The following RAB37 variants were observed in gnomAD, a reference collection of about 807,000 sequenced individuals.
RAB37 encodes ras-related protein Rab-37.
RAB37 carries 29 observed loss-of-function variants against 33.1 expected under a neutral mutation model. That is an observed-to-expected ratio of 0.88 (90% confidence interval 0.65 to 1.20). The LOEUF is 1.20. RAB37 is among the 50% of genes most tolerant of loss of function. RAB37 has a pLI of 0.00. For missense variants in RAB37, 299 were observed against 301.1 expected (o/e 0.99, Z 0.05); for synonymous variants, 128 against 119.5 (o/e 1.07, Z -0.47).
At position 74,671,494 on chromosome 17, in the gene RAB37, A is replaced by G. The variant is rs2143443841; in HGVS notation, c.-93A>G. 8.0e-7 allele frequency: 1 copy of G among 1,244,400 alleles called. No homozygotes were observed. Among genetic ancestry groups the G allele is most frequent in the Admixed American group, 1.8e-5 (1 of 55,116 alleles). 77.1% of individuals were successfully genotyped at this position (1,244,400 alleles called of 1,614,324 possible). A position where few individuals can be genotyped will look rare whatever the true frequency, so the allele number is the denominator to read the frequency against. On this transcript the variant is annotated 5_prime_UTR_variant, in exon 1 of 8. Coordinates refer to the RAB37 transcript ENST00000340415. The surrounding 1 kb of genome is among the most constrained non-coding windows in gnomAD (Gnocchi z 5.0). ...GGCCCGGCCCGCAGAGCTCAGACCC[A>G]AGCCTGCCGCACCCAGCGGAGCTCG...
upstream of RAB37, among the ~76,000 whole-genome samples, chr17:74,733,436 G>A (rs535988403): frequency 0.076 from 148 of 1,954 alleles, no homozygotes; most frequent in Middle Eastern, 0.25. Context: ...GAGAGTGTAT[G>A]TGTGTGATGT....
rs867263235 is a variant in RAB37 at position 74,676,598 on chromosome 17, C to T, written c.72+4940C>T. Among the ~76,000 whole-genome samples, 4 of 152,166 alleles carry T rather than the reference C, an allele frequency of 2.6e-5. No homozygotes were observed. Among genetic ancestry groups the T allele is most frequent in the Non-Finnish European group, 4.4e-5 (3 of 68,032 alleles). ...TCCCTCAAAAGTCCGCATGCCTCAT[C>T]GATTCATTCAGCAAACATGCATTGG... On this transcript the variant is annotated intron_variant, in intron 1 of 7. Coordinates refer to the RAB37 transcript ENST00000340415. The surrounding 1 kb of genome is among the most constrained non-coding windows in gnomAD (Gnocchi z 4.1).
At chr17:74,690,605 C>T (rs373906171) in intron 1 of RAB37, among the ~76,000 whole-genome samples, 1 of 152,272 alleles carries the variant, frequency 6.6e-6, no homozygotes, top group Admixed American at 6.5e-5. Context: ...CTGCCTCTTG[C>T]GTATATCTGC....
At chr17:74,679,993 AAG>A (rs67845934) in intron 1 of RAB37, among the ~76,000 whole-genome samples, 64,232 of 129,838 alleles carry the variant, frequency 0.49, 20,356 homozygotes, top group Non-Finnish European at 0.72. Flanking sequence ...AAAAAAAAAA[AAG>A]AAAGAAAGAA....
intron 1 of RAB37, among the ~76,000 whole-genome samples, chr17:74,693,664 C>A (rs533520714): frequency 2.6e-5 from 4 of 152,034 alleles, no homozygotes; most frequent in Non-Finnish European, 4.4e-5. Context: ...TGTGGTGGCT[C>A]ACACCTATAA....
At chr17:74,695,693 C>T in intron 1 of RAB37, 1 of 1,613,806 alleles carries the variant, frequency 6.2e-7, no homozygotes, top group Admixed American at 1.7e-5. Context: ...CCCCCTGCCC[C>T]AGCCTCACAG....
At chr17:74,709,068 C>T (rs1041792352) in intron 1 of RAB37, among the ~76,000 whole-genome samples, 3 of 151,030 alleles carry the variant, frequency 2.0e-5, no homozygotes, top group Admixed American at 1.3e-4. Context: ...ACTAAAAATT[C>T]AAAAAATTAG....
chr17:74,712,910 A>C (rs946242435), intron 1 of RAB37: 2 of 1,603,638 alleles, frequency 1.2e-6, no homozygotes, highest in Non-Finnish European at 1.7e-6. Flanking sequence ...GGAGCCTGGC[A>C]GCAGGAACAA....
Position 74,742,146 on chromosome 17 carries a change from G to A in RAB37, c.205-108G>A. 3 of 1,378,326 alleles carry A rather than the reference G, an allele frequency of 2.2e-6. No individual in the cohort carries two copies. The highest frequency in any genetic ancestry group is 1.0e-6 in the Non-Finnish European group (1 of 999,920). 85.4% of individuals were successfully genotyped at this position (1,378,326 alleles called of 1,614,324 possible). A position where few individuals can be genotyped will look rare whatever the true frequency, so the allele number is the denominator to read the frequency against. On this transcript the variant is annotated intron_variant, in intron 2 of 8. Coordinates refer to ENST00000392613, the MANE Select transcript of RAB37 (RefSeq NM_001006638.3). This position sits in a 1 kb window ranked among gnomAD's most constrained non-coding sequence, Gnocchi z 4.0. ...TGATCTGGCTGGAGACGGTTCTGGG[G>A]CTCACTGCACCCACTCTAGGCCTGG...
chr17:74,736,586 A>G, upstream of RAB37: 4 of 1,524,898 alleles, frequency 2.6e-6, no homozygotes, highest in Non-Finnish European at 3.5e-6. Context: ...TGTGCTGCGC[A>G]GCCCTCTTGC....
intron 1 of RAB37, among the ~76,000 whole-genome samples, chr17:74,724,677 C>T (rs936590575): frequency 6.6e-5 from 10 of 152,058 alleles, no homozygotes; most frequent in East Asian, 3.9e-4. Context: ...CAATGTTTTG[C>T]GGGCAGGGAT....
At chr17:74,691,285 C>A (rs12449978) in intron 1 of RAB37, among the ~76,000 whole-genome samples, 18,473 of 152,040 alleles carry the variant, frequency 0.12, 2,535 homozygotes, top group African/African-American at 0.33. Flanking sequence ...GAGTTGTAAG[C>A]CACCATGCCT....
chr17:74,701,249 TTTGG>T (rs2033025327), intron 1 of RAB37, among the ~76,000 whole-genome samples: 2 of 152,224 alleles, frequency 1.3e-5, no homozygotes, highest in South Asian at 4.1e-4. Context: ...GTCAACCCTA[TTTGG>T]TTACACTAAT....
intron 1 of RAB37, among the ~76,000 whole-genome samples, chr17:74,684,885 A>ATAGC (rs1208362425): frequency 6.6e-6 from 1 of 152,160 alleles, no homozygotes; most frequent in East Asian, 1.9e-4. Flanking sequence ...AGATAGATAG[A>ATAGC]TAGATAGATA....
chr17:74,699,132 T>C (rs1431068318), intron 1 of RAB37, among the ~76,000 whole-genome samples: 2 of 152,182 alleles, frequency 1.3e-5, no homozygotes, highest in African/African-American at 4.8e-5. Flanking sequence ...TAAGCCAGGC[T>C]GGTCTCGAAC....
intron 1 of RAB37, among the ~76,000 whole-genome samples, chr17:74,699,574 C>T (rs753184474): frequency 1.2e-4 from 18 of 152,066 alleles, no homozygotes; most frequent in African/African-American, 2.4e-4. Context: ...GCCACAAGAC[C>T]GGGAACACAA....
chr17:74,692,456 C>T (rs2032177387), intron 1 of RAB37, among the ~76,000 whole-genome samples: 1 of 152,072 alleles, frequency 6.6e-6, no homozygotes. Flanking sequence ...ATGCCAGATG[C>T]CCTTGGGGTG....
At position 74,743,333 on chromosome 17, in the gene RAB37, A is replaced by T. The variant is rs1478781668; in HGVS notation, c.359A>T (p.Asn120Ile). The change falls in exon 5 of 9, where the codon AAC (asparagine) becomes ATC (isoleucine). Residue 120 changes from asparagine to isoleucine, a missense_variant. Asn to Ile is a moderately radical substitution (Grantham distance 149). Transcript: ENST00000392613. The part of the protein sequence containing the change: ...YDITNKSSFD[N>I]IRAWLTEIHE... The stretch of plus-strand genomic sequence containing the variant: ...ATCACCAACAAATCTTCTTTCGACA[A>T]CATCAGGGTAGGTCCTCCCTTCCCC... The T allele has an allele frequency of 1.2e-6, 2 of 1,614,028 alleles. No individual in the cohort carries two copies. Among genetic ancestry groups the T allele is most frequent in the African/African-American group, 2.7e-5 (2 of 75,010 alleles).
chr17:74,744,868 G>A lies in RAB37; in HGVS notation c.433-5G>A. 6.2e-7 allele frequency: 1 copy of A among 1,614,254 alleles called. No homozygotes were observed. Among genetic ancestry groups the A allele is most frequent in the Non-Finnish European group, 8.5e-7 (1 of 1,180,046 alleles). ...TCCCCAGAGTGACCCATTTGGGCTT[G>A]ACAGGCGGATATGAGCAGCGAAAGA... On this transcript the variant is annotated splice_polypyrimidine_tract_variant and splice_region_variant and intron_variant, in intron 6 of 8. Transcript: ENST00000392613. This position sits in a 1 kb window ranked among gnomAD's most constrained non-coding sequence, Gnocchi z 4.2.
Sources: allele counts gnomAD v4.1 joint callset (sites outside exome capture counted in the v4.1 genomes callset), GRCh38; gene constraint gnomAD v4.1.1; non-coding constraint Gnocchi (gnomAD v3.1); transcripts MANE v1.5; gene names NCBI Gene and HGNC (gene_info 2026-07-23, HGNC 2026-07-21).